The following RFWD3 variants were observed in gnomAD, a reference collection of about 807,000 sequenced individuals.
RFWD3 encodes ring finger and WD repeat domain 3, also known as E3 ubiquitin-protein ligase RFWD3.
In RFWD3, 65 loss-of-function variants were observed where a neutral mutation model predicts 87.7. That is an observed-to-expected ratio of 0.74 (90% CI 0.61 to 0.91). The LOEUF is 0.91. Ranked by LOEUF, RFWD3 falls within the 40% of genes least tolerant of loss-of-function variation. The pLI is 0.00. For synonymous variants in RFWD3, 433 were observed against 352.8 expected, an observed-to-expected ratio of 1.23 and a Z score of -2.55; for missense variants, 1,078 against 938.5, an observed-to-expected ratio of 1.15 and a Z score of -1.94.
chr16:74,648,748 C>G (rs1431643193), intron 4 of RFWD3, among the ~76,000 whole-genome samples: 2 of 151,526 alleles, frequency 1.3e-5, no homozygotes, highest in East Asian at 3.9e-4. Context: ...GCACTCCACC[C>G]TGGGCAACAG....
intron 4 of RFWD3, among the ~76,000 whole-genome samples, chr16:74,645,325 G>A (rs936483866): frequency 6.6e-6 from 1 of 152,206 alleles, no homozygotes; most frequent in African/African-American, 2.4e-5. Flanking sequence ...CTTTGGCATA[G>A]CAATCTCTCT....
intron 6 of RFWD3, among the ~76,000 whole-genome samples, chr16:74,641,226 G>A (rs906220761): frequency 2.6e-5 from 4 of 151,574 alleles, no homozygotes; most frequent in South Asian, 2.1e-4. Flanking sequence ...GCAATGGTGC[G>A]ACCTCGGCTC....
In RFWD3 at chr16:74,661,477, T is replaced by C. The variant is rs185281089; in HGVS notation, c.-2-26A>G. Reference sequence around the variant, plus strand: ...CTAGAGAAACAGTATTTGTAAAAAGTATTAATAAAATAGATAAAACATGCT... The same window carrying C: ...CTAGAGAAACAGTATTTGTAAAAAGCATTAATAAAATAGATAAAACATGCT... On this transcript the variant is annotated intron_variant, in intron 1 of 12. Coordinates refer to ENST00000361070, the MANE Select transcript of RFWD3 (RefSeq NM_018124.4). The C allele has an allele frequency of 1.3e-3, 1,965 of 1,550,332 alleles. 26 individuals are homozygous for C. In the South Asian group the frequency reaches 0.013, roughly 10 times the overall value.
At chr16:74,637,122 T>TAAAAAAAAAAA (rs759556308) in intron 7 of RFWD3, among the ~76,000 whole-genome samples, 3 of 101,804 alleles carry the variant, frequency 2.9e-5, no homozygotes, top group Admixed American at 1.1e-4. Flanking sequence ...TAAAGTCCTT[T>TAAAAAAAAAAA]AAAAAAAAAA....
At chr16:74,624,821 A>T (rs6564152) in intron 12 of RFWD3, among the ~76,000 whole-genome samples, 110,227 of 151,406 alleles carry the variant, frequency 0.73, 40,650 homozygotes, top group African/African-American at 0.85. Flanking sequence ...TACAGCAAGA[A>T]TCCAATCTCT....
chr16:74,649,857 T>A (rs1187400531), intron 3 of RFWD3, among the ~76,000 whole-genome samples: 1 of 152,214 alleles, frequency 6.6e-6, no homozygotes, highest in Non-Finnish European at 1.5e-5. Flanking sequence ...TCAGGTCATT[T>A]GTCTAATGAA....
At chr16:74,634,562 T>A (rs865867972) in intron 8 of RFWD3, among the ~76,000 whole-genome samples, 39 of 151,744 alleles carry the variant, frequency 2.6e-4, no homozygotes, top group South Asian at 1.9e-3. Context: ...TTAAGAAAAA[T>A]TTTTTTTATA....
rs766717916 is a variant in RFWD3 at position 74,626,508 on chromosome 16, G to A, written c.2016C>T (p.Tyr672=). Residue 672 remains tyrosine, a synonymous_variant, in exon 12 of 13, where the codon TAC becomes TAT. Coordinates refer to ENST00000361070, the MANE Select transcript of RFWD3 (RefSeq NM_018124.4). Reference sequence around the variant, plus strand: ...TTGGATTTCCAGTGTCATCCAGTCGGTAGGACATTTCCATCAGCACACTTC... The same window carrying A: ...TTGGATTTCCAGTGTCATCCAGTCGATAGGACATTTCCATCAGCACACTTC... ...TIRSVLMEMS[Y]RLDDTGNPIC... 1.2e-6 allele frequency: 2 copies of A among 1,614,138 alleles called. No homozygotes were observed. The highest frequency in any genetic ancestry group is 2.2e-5 in the East Asian group (1 of 44,878).
At chr16:74,660,892 G>A in intron 2 of RFWD3, 40 bp downstream of exon 2, 1 of 1,565,616 alleles carries the variant, frequency 6.4e-7, no homozygotes, top group Non-Finnish European at 8.7e-7. Context: ...ATAATTTCTA[G>A]TACAGCAATG....
At chr16:74,655,821 C>T (rs530635820) in intron 2 of RFWD3, among the ~76,000 whole-genome samples, 3 of 152,142 alleles carry the variant, frequency 2.0e-5, no homozygotes, top group Non-Finnish European at 4.4e-5. Flanking sequence ...CCACCACACC[C>T]GGCCTATGTC....
intron 6 of RFWD3, among the ~76,000 whole-genome samples, chr16:74,639,457 G>C (rs1019108100): frequency 1.3e-5 from 2 of 152,194 alleles, no homozygotes; most frequent in African/African-American, 4.8e-5. Context: ...TCATTATGCA[G>C]CACGTGACTG....
chr16:74,653,129 A>C (rs116137088), intron 2 of RFWD3, among the ~76,000 whole-genome samples: 1,973 of 152,214 alleles, frequency 0.013, 39 homozygotes, highest in African/African-American at 0.045. Flanking sequence ...GCTTGTGCCT[A>C]GGAGTTCGAG....
At chr16:74,630,657 G>T in intron 10 of RFWD3, 124 bp downstream of exon 10, 2 of 698,590 alleles carry the variant, frequency 2.9e-6, no homozygotes, top group Non-Finnish European at 4.4e-6. Flanking sequence ...GAGATCAAGT[G>T]GATCTTCAAA....
At chr16:74,663,597 CCA>C (rs1961633366) in intron 1 of RFWD3, among the ~76,000 whole-genome samples, 1 of 152,152 alleles carries the variant, frequency 6.6e-6, no homozygotes. Context: ...TCTCTCCACT[CCA>C]GTCATTCCTA....
intron 1 of RFWD3, among the ~76,000 whole-genome samples, chr16:74,665,650 T>A (rs1240763693): frequency 6.6e-6 from 1 of 152,168 alleles, no homozygotes; most frequent in Admixed American, 6.5e-5. Flanking sequence ...TCCCAGCTAT[T>A]GCGGGAAGCC....
chr16:74,655,704 T>C (rs933050931), intron 2 of RFWD3, among the ~76,000 whole-genome samples: 1 of 151,828 alleles, frequency 6.6e-6, no homozygotes, highest in African/African-American at 2.4e-5. Context: ...GTTGTATTTT[T>C]AGTGGAGACG....
intron 8 of RFWD3, among the ~76,000 whole-genome samples, chr16:74,634,571 T>A (rs1391518334): frequency 6.6e-6 from 1 of 152,034 alleles, no homozygotes; most frequent in African/African-American, 2.4e-5. Context: ...ATTTTTTTTA[T>A]AGCGATGGAG....
intron 12 of RFWD3, among the ~76,000 whole-genome samples, chr16:74,625,623 G>A (rs1049696485): frequency 1.3e-5 from 2 of 151,710 alleles, no homozygotes; most frequent in Admixed American, 6.6e-5. Context: ...CTTATAGAAC[G>A]CCCACAACCC....
At chr16:74,653,967 T>C (rs1165905883) in intron 2 of RFWD3, among the ~76,000 whole-genome samples, 1 of 152,214 alleles carries the variant, frequency 6.6e-6, no homozygotes, top group Non-Finnish European at 1.5e-5. Flanking sequence ...CTTTTCTTTT[T>C]TGGAAATTGA....
Sources: allele counts gnomAD v4.1 joint callset (sites outside exome capture counted in the v4.1 genomes callset), GRCh38; gene constraint gnomAD v4.1.1; transcripts MANE v1.5; gene names NCBI Gene and HGNC (gene_info 2026-07-23, HGNC 2026-07-21).